Variants in MPP7 observed in about 807,000 individuals in gnomAD.
MPP7 encodes MAGUK p55 scaffold protein 7, also known as MAGUK p55 subfamily member 7.
In MPP7, 60 loss-of-function variants were observed where a neutral mutation model predicts 76.5. The ratio of observed to expected loss-of-function variants is 0.78; its 90% CI spans 0.64 to 0.97. The LOEUF (loss-of-function observed/expected upper bound fraction) is 0.97, where lower values mean the gene tolerates loss of function less well. Among genes scored for constraint, MPP7 ranks in the 50% least tolerant of loss-of-function variants. MPP7 has a pLI of 0.00. For synonymous variants in MPP7, 237 were observed against 244.5 expected (o/e 0.97, Z 0.29); for missense variants, 641 against 694.0 (o/e 0.92, Z 0.86).
At chr10:28,072,063 C>T (rs2133373181) in intron 12 of MPP7, among the ~76,000 whole-genome samples, 1 of 152,264 alleles carries the variant, frequency 6.6e-6, no homozygotes, top group South Asian at 2.1e-4. Flanking sequence ...CACTTGAGGT[C>T]AGGAGTTTGA....
At chr10:28,076,694 C>T (rs1245585540) in intron 12 of MPP7, among the ~76,000 whole-genome samples, 2 of 152,026 alleles carry the variant, frequency 1.3e-5, no homozygotes, top group Non-Finnish European at 2.9e-5. Context: ...TTGAGACCAG[C>T]CTGGTCAATA....
chr10:28,064,950 A>G (rs1051112796), intron 13 of MPP7, among the ~76,000 whole-genome samples: 1 of 152,236 alleles, frequency 6.6e-6, no homozygotes, highest in South Asian at 2.1e-4. Flanking sequence ...GGTATATAAC[A>G]CGATTAATAT....
chr10:28,215,149 T>C (rs1838267402), intron 2 of MPP7, among the ~76,000 whole-genome samples: 2 of 152,136 alleles, frequency 1.3e-5, no homozygotes, highest in Non-Finnish European at 2.9e-5. Context: ...CAAATTTCTT[T>C]AAATTATCTT....
intron 11 of MPP7, among the ~76,000 whole-genome samples, chr10:28,099,903 A>G (rs987624384): frequency 3.3e-5 from 5 of 152,084 alleles, no homozygotes; most frequent in African/African-American, 1.2e-4. Flanking sequence ...CATTTTTTCA[A>G]CGGAGAAAAA....
At chr10:28,191,403 T>C (rs1837407826) in intron 3 of MPP7, among the ~76,000 whole-genome samples, 1 of 152,150 alleles carries the variant, frequency 6.6e-6, no homozygotes, top group Non-Finnish European at 1.5e-5. Flanking sequence ...AAAATATTAA[T>C]AAGTTGAACC....
At chr10:28,165,827 C>T (rs951400170) in intron 3 of MPP7, among the ~76,000 whole-genome samples, 7 of 152,154 alleles carry the variant, frequency 4.6e-5, no homozygotes, top group African/African-American at 1.7e-4. Flanking sequence ...GAGTTCGAGA[C>T]CAGCCTGGCC....
At chr10:28,119,588 G>A in intron 11 of MPP7, 63 bp downstream of exon 11, 1 of 1,389,552 alleles carries the variant, frequency 7.2e-7, no homozygotes, top group Non-Finnish European at 1.0e-6. Flanking sequence ...ATGAGCACCT[G>A]CTTTAATAGT....
At chr10:28,194,385 T>C (rs936372691) in intron 3 of MPP7, among the ~76,000 whole-genome samples, 5 of 152,052 alleles carry the variant, frequency 3.3e-5, no homozygotes, top group Non-Finnish European at 7.4e-5. Context: ...TCCAAATGAG[T>C]TGCAAACTTA....
At chr10:28,106,598 T>C (rs1834332407) in intron 11 of MPP7, among the ~76,000 whole-genome samples, 1 of 152,212 alleles carries the variant, frequency 6.6e-6, no homozygotes, top group Non-Finnish European at 1.5e-5. Flanking sequence ...ACCACAATTA[T>C]TTCCTTTTTC....
At chr10:28,127,335 G>A (rs1471549590) in intron 6 of MPP7, among the ~76,000 whole-genome samples, 2 of 152,140 alleles carry the variant, frequency 1.3e-5, no homozygotes, top group South Asian at 4.1e-4. Flanking sequence ...ATCCCAATGG[G>A]GGAGACAAGA....
chr10:28,274,569 A>G (rs1461615631), intron 1 of MPP7, among the ~76,000 whole-genome samples: 2 of 152,192 alleles, frequency 1.3e-5, no homozygotes. Context: ...AAATTAGAAG[A>G]TTCTTTGGCT....
chr10:28,088,048 T>C (rs1029049012), intron 12 of MPP7, among the ~76,000 whole-genome samples: 1 of 152,128 alleles, frequency 6.6e-6, no homozygotes, highest in East Asian at 1.9e-4. Context: ...ATGCAAACAA[T>C]CTTAATATGT....
chr10:28,149,278 A>G (rs1835803700), intron 4 of MPP7, among the ~76,000 whole-genome samples: 1 of 152,248 alleles, frequency 6.6e-6, no homozygotes, highest in Admixed American at 6.5e-5. Flanking sequence ...CAGCCTTCGC[A>G]CTAAACATAT....
chr10:28,160,758 T>C (rs1283266169), intron 3 of MPP7, among the ~76,000 whole-genome samples: 1 of 152,232 alleles, frequency 6.6e-6, no homozygotes, highest in Non-Finnish European at 1.5e-5. Flanking sequence ...CACGGTCTTC[T>C]GAATCTGGCA....
chr10:28,253,837 G>T (rs1370842248), intron 1 of MPP7, among the ~76,000 whole-genome samples: 4 of 151,278 alleles, frequency 2.6e-5, no homozygotes, highest in African/African-American at 7.3e-5. Flanking sequence ...CTCTACTAAA[G>T]ATACAAAAAT....
chr10:28,122,354 A>G (rs999545421), intron 8 of MPP7, among the ~76,000 whole-genome samples: 7 of 152,232 alleles, frequency 4.6e-5, no homozygotes, highest in African/African-American at 1.7e-4. Flanking sequence ...TATTTGATCA[A>G]CGCAACTTTC....
intron 11 of MPP7, among the ~76,000 whole-genome samples, chr10:28,098,670 C>T (rs973807954): frequency 2.4e-4 from 36 of 152,012 alleles, no homozygotes; most frequent in African/African-American, 8.4e-4. Flanking sequence ...CAGCACGTAA[C>T]ACAAAATACA....
At chr10:28,290,598 G>A (rs956377861) in intron 1 of MPP7, among the ~76,000 whole-genome samples, 4 of 151,894 alleles carry the variant, frequency 2.6e-5, no homozygotes, top group East Asian at 1.9e-4. Flanking sequence ...TCGGCCTCCC[G>A]AGTAGCTGGG....
At chr10:28,293,130 A>T (rs1042410306) in intron 1 of MPP7, among the ~76,000 whole-genome samples, 6 of 152,188 alleles carry the variant, frequency 3.9e-5, no homozygotes, top group Admixed American at 2.0e-4. Flanking sequence ...ACAGGTGAAA[A>T]ACAAAAGATG....
Sources: gnomAD v4.1 joint callset for allele counts (sites outside exome capture counted in the v4.1 genomes callset) on GRCh38, gnomAD v4.1.1 for gene constraint, MANE v1.5 for transcripts, NCBI Gene and HGNC (gene_info 2026-07-23, HGNC 2026-07-21) for gene names.